Variants in ZC3H12B observed in about 807,000 individuals in gnomAD.
ZC3H12B encodes the protein probable ribonuclease ZC3H12B.
In ZC3H12B, 7 loss-of-function variants were observed where a neutral mutation model predicts 43.9. That is an observed-to-expected ratio of 0.16 (90% CI 0.09 to 0.30). The LOEUF is 0.30. Among genes scored for constraint, ZC3H12B ranks in the 10% least tolerant of loss-of-function variants. The pLI is 1.00. For synonymous variants in ZC3H12B, 222 were observed against 241.7 expected (o/e 0.92, Z 0.76); for missense variants, 475 against 670.2 (o/e 0.71, Z 3.22).
chrX:65,132,889 C>T, the ZC3H12B span, among the ~76,000 whole-genome samples: 3 of 111,432 alleles, frequency 2.7e-5, no homozygotes, highest in South Asian at 1.2e-3. Context: ...GGTGATTGGG[C>T]AGCGTCAGTC....
At chrX:65,293,654 A>G in the ZC3H12B span, among the ~76,000 whole-genome samples, 1 of 111,058 alleles carries the variant, frequency 9.0e-6, no homozygotes, top group Non-Finnish European at 1.9e-5. Flanking sequence ...ACATAGCATA[A>G]ATAAAAAATC....
the ZC3H12B span, among the ~76,000 whole-genome samples, chrX:65,121,293 G>T: frequency 9.0e-6 from 1 of 111,104 alleles, no homozygotes; most frequent in African/African-American, 3.3e-5. Context: ...AGTTTTTTTG[G>T]TTGGTAAGGT....
the ZC3H12B span, among the ~76,000 whole-genome samples, chrX:65,269,979 A>G: frequency 8.9e-6 from 1 of 112,011 alleles, no homozygotes; most frequent in Non-Finnish European, 1.9e-5. Flanking sequence ...ATGTAGATTT[A>G]AGGTAGTTTC....
chrX:65,496,763 C>A lies in ZC3H12B; in HGVS notation c.609-369C>A, dbSNP rs147528465. Among the ~76,000 whole-genome samples the A allele has an allele frequency of 9.2e-3, 1,014 of 110,267 alleles. 18 individuals are homozygous for A. Among genetic ancestry groups the A allele is most frequent in the African/African-American group, 0.032 (960 of 30,381 alleles). ...CTGAGGTCAGGAGTTCGAGACCAGC[C>A]TGGCCAACATGGCAAAACCCCGTCT... On this transcript the variant is annotated intron_variant, in intron 1 of 4. Transcript: ENST00000338957.
intron 3 of ZC3H12B, among the ~76,000 whole-genome samples, chrX:65,459,461 A>G (rs1254372385): frequency 1.8e-5 from 2 of 111,744 alleles, no homozygotes. Flanking sequence ...ATCCTCAATA[A>G]AATACTGGCA....
At chrX:65,144,489 G>T in the ZC3H12B span, among the ~76,000 whole-genome samples, 1 of 111,150 alleles carries the variant, frequency 9.0e-6, no homozygotes, top group African/African-American at 3.3e-5. Flanking sequence ...TCCGATCTTG[G>T]TTATTTCCTT....
At chrX:65,275,584 C>A in the ZC3H12B span, among the ~76,000 whole-genome samples, 1 of 112,931 alleles carries the variant, frequency 8.9e-6, no homozygotes, top group African/African-American at 3.2e-5. Flanking sequence ...CTCACAGATG[C>A]TAGTAGTTTG....
At chrX:65,172,168 G>C in the ZC3H12B span, among the ~76,000 whole-genome samples, 12 of 112,349 alleles carry the variant, frequency 1.1e-4, no homozygotes, top group African/African-American at 3.9e-4. Flanking sequence ...CTCTTGATTT[G>C]CATTTCTATA....
the ZC3H12B span, among the ~76,000 whole-genome samples, chrX:65,063,538 G>C: frequency 2.7e-5 from 3 of 112,222 alleles, no homozygotes; most frequent in South Asian, 3.7e-4. Flanking sequence ...TAAGCTTTTT[G>C]ATGTGCTCCT....
At chrX:65,167,124 A>G in the ZC3H12B span, among the ~76,000 whole-genome samples, 1 of 111,855 alleles carries the variant, frequency 8.9e-6, no homozygotes, top group Admixed American at 9.5e-5. Flanking sequence ...GCCCATGCCT[A>G]TGTCCTGAAT....
the ZC3H12B span, among the ~76,000 whole-genome samples, chrX:65,164,619 G>T: frequency 8.9e-6 from 1 of 111,962 alleles, no homozygotes; most frequent in African/African-American, 3.2e-5. Context: ...TAGTTAGCTT[G>T]GTTTTGTCCA....
the ZC3H12B span, among the ~76,000 whole-genome samples, chrX:65,192,642 A>T: frequency 9.0e-6 from 1 of 111,660 alleles, no homozygotes; most frequent in Non-Finnish European, 1.9e-5. Flanking sequence ...GATACGATGG[A>T]TTACATTGGC....
At chrX:65,455,468 G>A (rs1203094819) in intron 3 of ZC3H12B, among the ~76,000 whole-genome samples, 1 of 112,172 alleles carries the variant, frequency 8.9e-6, no homozygotes, top group Non-Finnish European at 1.9e-5. Flanking sequence ...CAGGAAATAT[G>A]AGACTATGTG....
intron 3 of ZC3H12B, among the ~76,000 whole-genome samples, chrX:65,427,201 C>T (rs1445446933): frequency 9.0e-6 from 1 of 111,693 alleles, no homozygotes; most frequent in Non-Finnish European, 1.9e-5. Context: ...GAACTCTTTA[C>T]CATTATGTAA....
the ZC3H12B span, among the ~76,000 whole-genome samples, chrX:65,174,976 C>T: frequency 1.8e-5 from 2 of 111,776 alleles, no homozygotes; most frequent in African/African-American, 6.5e-5. Flanking sequence ...TTGCTTTCTG[C>T]TCCAAAAACC....
At chrX:65,087,215 C>T in the ZC3H12B span, among the ~76,000 whole-genome samples, 1 of 111,203 alleles carries the variant, frequency 9.0e-6, no homozygotes, top group African/African-American at 3.3e-5. Context: ...GGTGAATGCC[C>T]TCCTCATCCT....
At chrX:65,125,262 GTTAT>G in the ZC3H12B span, among the ~76,000 whole-genome samples, 1 of 111,583 alleles carries the variant, frequency 9.0e-6, no homozygotes, top group Non-Finnish European at 1.9e-5. Context: ...TCAGAAGCAG[GTTAT>G]TTAATTTCCA....
chrX:65,195,227 G>T, the ZC3H12B span, among the ~76,000 whole-genome samples: 1 of 110,292 alleles, frequency 9.1e-6, no homozygotes, highest in Non-Finnish European at 1.9e-5. Context: ...TTGATTTGTG[G>T]TCTTCTTTCT....
At chrX:65,211,979 T>C in the ZC3H12B span, among the ~76,000 whole-genome samples, 1 of 69,482 alleles carries the variant, frequency 1.4e-5, no homozygotes, top group African/African-American at 6.1e-5. Flanking sequence ...ATGTATACTA[T>C]ATAATATATA....
Sources: allele counts gnomAD v4.1 joint callset (sites outside exome capture counted in the v4.1 genomes callset), GRCh38; gene constraint gnomAD v4.1.1; transcripts MANE v1.5; gene names NCBI Gene and HGNC (gene_info 2026-07-23, HGNC 2026-07-21).